Variants in WSB2 observed in about 807,000 individuals in gnomAD.
The protein encoded by WSB2 is WD repeat and SOCS box-containing protein 2.
Under a neutral mutation model 48.8 loss-of-function variants are expected in WSB2, and 12 were observed. The ratio of observed to expected loss-of-function variants is 0.25; its 90% CI spans 0.16 to 0.40. WSB2 has a LOEUF of 0.40. WSB2 is among the 10% of genes least tolerant of loss of function. The probability of loss-of-function intolerance (pLI) is 1.00; values close to 1 mark genes in which losing one functional copy is unlikely to be tolerated. For synonymous variants in WSB2, 191 were observed against 203.1 expected (o/e 0.94, Z 0.51); for missense variants, 317 against 506.2 (o/e 0.63, Z 3.59).
intron 1 of WSB2, among the ~76,000 whole-genome samples, chr12:118,057,776 G>GTTT (rs71099102): frequency 3.5e-5 from 5 of 141,492 alleles, no homozygotes; most frequent in Non-Finnish European, 3.1e-5. Flanking sequence ...ATATATTTGG[G>GTTT]TTTTTTTTTT....
At chr12:118,061,515 C>G (rs145096561), upstream of WSB2, among the ~76,000 whole-genome samples, 49 of 150,256 alleles carry the variant, frequency 3.3e-4, 1 homozygote, top group South Asian at 1.3e-3. Flanking sequence ...GTGAACAGAG[C>G]TGAGGGAAAC....
At chr12:118,043,093 C>T (rs759926319) in intron 3 of WSB2, 40 bp downstream of exon 3, 24 of 1,613,988 alleles carry the variant, frequency 1.5e-5, no homozygotes, top group Middle Eastern at 1.7e-4. Context: ...AACATGCACC[C>T]GAGCCTCCCA....
rs2031867247 is a variant in WSB2 at position 118,052,238 on chromosome 12, GCA to G, written c.182+70_182+71del. 6 of 1,555,368 alleles carry G rather than the reference GCA, an allele frequency of 3.9e-6. No homozygotes were observed. The Admixed American group carries it at 1.1e-4, about 28-fold the overall frequency. On this transcript the variant is annotated intron_variant, in intron 2 of 8. Transcript: ENST00000315436. ...CACCTTCCCTCTCTCTGGTTCTTGG[GCA>G]CAGAGATGGCAAAAGAACAAGGAGT...
chr12:118,052,443 G>A lies in WSB2; in HGVS notation c.49C>T (p.Arg17Cys), dbSNP rs145072233. The A allele has an allele frequency of 1.2e-6, 2 of 1,614,042 alleles. No homozygotes were observed. Among genetic ancestry groups the A allele is most frequent in the Non-Finnish European group, 8.5e-7 (1 of 1,180,010 alleles). Residue 17 changes from arginine (R) to cysteine (C), a missense_variant, in exon 2 of 9, where the codon CGC (arginine) becomes TGC (cysteine). Around this residue, in one of 2 missense-constraint regions of WSB2, gnomAD observed 128 missense variants for 156.7 expected, o/e 0.82. Transcript: ENST00000315436. ...PLLLAELKPG[R>C]PHQFDWKSSC... is the part of the protein sequence containing the mutation. ...GACTTCCAATCAAACTGGTGGGGGC[G>A]CCCGGGCTTGAGTTCGGCCAGCAGC...
Position 118,043,051 on chromosome 12 carries a change from A to T in WSB2, c.428-79T>A, listed in dbSNP as rs1055301186. The T allele has an allele frequency of 6.2e-6, 10 of 1,613,614 alleles. No individual in the cohort carries two copies. The East Asian group carries it at 1.6e-4, about 25-fold the overall frequency. On this transcript the variant is annotated intron_variant, in intron 3 of 8. Coordinates refer to ENST00000315436, the MANE Select transcript of WSB2 (RefSeq NM_018639.5). ...CTGCCACGGCCACACCCCTTGGCCA[A>T]CGTGAGTGGGGCAGGGAGGCGACAT...
At chr12:118,056,593 T>C (rs896645300) in intron 1 of WSB2, among the ~76,000 whole-genome samples, 3 of 152,158 alleles carry the variant, frequency 2.0e-5, no homozygotes, top group Admixed American at 1.3e-4. Flanking sequence ...GGTATAACTC[T>C]TTAAACAAAA....
upstream of WSB2, among the ~76,000 whole-genome samples, chr12:118,061,714 A>AG (rs1440707965): frequency 8.9e-6 from 1 of 111,802 alleles, no homozygotes; most frequent in African/African-American, 3.6e-5. Context: ...AGCGAAATCG[A>AG]GGGGAGGGGC....
chr12:118,052,650 C>T lies in WSB2; in HGVS notation c.14-172G>A, dbSNP rs1009797150. ...AGCAGCCACAGGCCACATTCCACCA[C>T]GGTTACTCAATCCTGGCACTCCTCA... On this transcript the variant is annotated intron_variant, in intron 1 of 8. Coordinates refer to ENST00000315436, the MANE Select transcript of WSB2 (RefSeq NM_018639.5). 13 of 939,098 alleles carry T rather than the reference C, an allele frequency of 1.4e-5. 1 individual carries two copies. The highest frequency in any genetic ancestry group is 5.0e-5 in the South Asian group (3 of 60,588). The allele number at this position is 939,098 out of a possible 1,614,324, so 58.2% of individuals were successfully genotyped here.
Position 118,033,547 on chromosome 12 carries a change from TAAAAAAA to T in WSB2, c.*642_*648del, listed in dbSNP as rs35299550. On this transcript the variant is annotated 3_prime_UTR_variant, in exon 9 of 9. Coordinates refer to ENST00000315436, the MANE Select transcript of WSB2 (RefSeq NM_018639.5). ...ATTTCCTGCACATGCACACCATTGT[TAAAAAAA>T]AAAAAAAAAAGCCAGTAATAGTGTC... is the stretch of plus-strand genomic sequence containing the variant. 1 of 130,852 alleles carries T rather than the reference TAAAAAAA, an allele frequency of 7.6e-6. No individual in the cohort carries two copies. The highest frequency in any genetic ancestry group is 1.7e-5 in the Non-Finnish European group (1 of 60,062). 8.1% of individuals were successfully genotyped at this position (130,852 alleles called of 1,614,324 possible).
At chr12:118,039,707 G>T (rs1004243654) in intron 4 of WSB2, among the ~76,000 whole-genome samples, 5 of 151,768 alleles carry the variant, frequency 3.3e-5, no homozygotes, top group Non-Finnish European at 1.5e-5. Flanking sequence ...AAGTTTATGC[G>T]GATGTATGGA....
Position 118,043,325 on chromosome 12 carries a change from C to T in WSB2, c.235G>A (p.Gly79Arg). 2 of 1,600,726 alleles carry T rather than the reference C, an allele frequency of 1.2e-6. No individual in the cohort carries two copies. The highest frequency in any genetic ancestry group is 1.1e-5 in the South Asian group (1 of 89,536). ...KSRSSKNETK[G>R]RGSPKEKTLD... ...GTCTTCTCTTTTGGGCTGCCCCGCC[C>T]TTTCGTCTCATTTTTGCTACTTCGG... Residue 79 changes from glycine (G) to arginine (R), a missense_variant, in exon 3 of 9, where the codon GGG becomes AGG. Around this residue, in one of 2 missense-constraint regions of WSB2, gnomAD observed 128 missense variants for 156.7 expected, o/e 0.82. Transcript: ENST00000315436.
In WSB2 at chr12:118,038,478, G is replaced by A. The variant is rs1269738048; in HGVS notation, c.560-90C>T. On this transcript the variant is annotated intron_variant, in intron 4 of 8. Transcript: ENST00000315436. ...AGAACTGGGGTGGTAACAGCCCCCA[G>A]CCCAGTATACCCATCAGCTCCTATC... 5.0e-6 allele frequency: 6 copies of A among 1,206,328 alleles called. No individual in the cohort carries two copies. The East Asian group carries it at 1.5e-4, about 30-fold the overall frequency. 74.7% of individuals were successfully genotyped at this position (1,206,328 alleles called of 1,614,324 possible).
rs111337671 is a variant in WSB2 at position 118,058,110 on chromosome 12, T to C, written c.13+2926A>G. On this transcript the variant is annotated intron_variant, in intron 1 of 8. Coordinates refer to ENST00000315436, the MANE Select transcript of WSB2 (RefSeq NM_018639.5). ...CAATCAGGCTGAATGGAAAGGTATA[T>C]ATTATAAGCCTCTTCTAGGCAAAGC... Among the ~76,000 whole-genome samples the C allele has an allele frequency of 9.2e-5, 14 of 152,140 alleles. 1 individual carries two copies. The highest frequency in any genetic ancestry group is 2.9e-4 in the African/African-American group (12 of 41,498).
intron 5 of WSB2, 82 bp from the exon 6 acceptor site, chr12:118,036,592 C>A: frequency 7.0e-7 from 1 of 1,432,204 alleles, no homozygotes; most frequent in Non-Finnish European, 9.5e-7. Context: ...GTACCACCAC[C>A]AAATCTGCAG....
At chr12:118,051,732 G>C (rs962170513) in intron 2 of WSB2, among the ~76,000 whole-genome samples, 1 of 152,218 alleles carries the variant, frequency 6.6e-6, no homozygotes, top group Non-Finnish European at 1.5e-5. Flanking sequence ...CCAGCACTTC[G>C]GGAGGCCGAG....
intron 2 of WSB2, among the ~76,000 whole-genome samples, chr12:118,049,805 C>G (rs1390779663): frequency 6.6e-6 from 1 of 152,180 alleles, no homozygotes; most frequent in Non-Finnish European, 1.5e-5. Flanking sequence ...GAGTACCCAT[C>G]TCAACAAACT....
chr12:118,061,221 C>G (rs1186739070), upstream of WSB2: 3 of 973,068 alleles, frequency 3.1e-6, no homozygotes, highest in African/African-American at 5.5e-5. Context: ...CGCGCGGGGG[C>G]GGGGCGCAGG....
intron 1 of WSB2, among the ~76,000 whole-genome samples, chr12:118,056,979 AC>A (rs2031968751): frequency 6.6e-6 from 1 of 152,170 alleles, no homozygotes; most frequent in Non-Finnish European, 1.5e-5. Context: ...TGCTTCTTAA[AC>A]ACAAGCCCTA....
At chr12:118,048,084 G>A (rs1195174636) in intron 2 of WSB2, among the ~76,000 whole-genome samples, 2 of 151,970 alleles carry the variant, frequency 1.3e-5, no homozygotes, top group Non-Finnish European at 2.9e-5. Flanking sequence ...CTGCCACCAC[G>A]CCAGGCTAAT....
Sources: allele counts gnomAD v4.1 joint callset (sites outside exome capture counted in the v4.1 genomes callset), GRCh38; gene constraint gnomAD v4.1.1; regional missense constraint gnomAD v4.1.1; transcripts MANE v1.5; gene names NCBI Gene and HGNC (gene_info 2026-07-23, HGNC 2026-07-21).